Variants in BMPR1B observed in about 807,000 individuals in gnomAD.
The protein encoded by BMPR1B is bone morphogenetic protein receptor type 1B.
A neutral mutation model predicts 59.1 loss-of-function variants in BMPR1B; 12 were observed. That is an observed-to-expected ratio of 0.20 (90% CI 0.13 to 0.33). The LOEUF is 0.33. Ranked by LOEUF, BMPR1B falls within the 10% of genes least tolerant of loss-of-function variation. The pLI is 1.00. For synonymous variants in BMPR1B, 237 were observed against 207.3 expected (o/e 1.14, Z -1.23); for missense variants, 550 against 610.9 (o/e 0.90, Z 1.05).
intron 11 of BMPR1B, among the ~76,000 whole-genome samples, chr4:95,151,725 G>GA: frequency 6.6e-6 from 1 of 152,108 alleles, no homozygotes; most frequent in Admixed American, 6.5e-5. Flanking sequence ...TATATAATCT[G>GA]CCAACTTGAC....
At chr4:94,771,443 CAT>C (rs918440294) in intron 1 of BMPR1B, among the ~76,000 whole-genome samples, 19 of 152,064 alleles carry the variant, frequency 1.2e-4, no homozygotes, top group Non-Finnish European at 1.9e-4. Context: ...GGCAAGGAGA[CAT>C]GTGTGACAAC....
At chr4:95,012,038 A>ACAC (rs1723261694) in intron 3 of BMPR1B, among the ~76,000 whole-genome samples, 2 of 151,124 alleles carry the variant, frequency 1.3e-5, no homozygotes, top group African/African-American at 2.4e-5. Context: ...AACAACAACA[A>ACAC]CAAAAAAAAA....
At chr4:95,048,760 A>G (rs906028319) in intron 3 of BMPR1B, among the ~76,000 whole-genome samples, 3 of 152,162 alleles carry the variant, frequency 2.0e-5, no homozygotes, top group African/African-American at 7.2e-5. Context: ...AAATATGTAC[A>G]TTAGGGTGAG....
intron 3 of BMPR1B, among the ~76,000 whole-genome samples, chr4:95,074,732 A>G (rs1728575050): frequency 6.6e-6 from 1 of 152,124 alleles, no homozygotes; most frequent in Non-Finnish European, 1.5e-5. Context: ...AAGCTAGAGT[A>G]GTTATGCTGT....
chr4:95,081,062 T>C (rs1729100429), intron 3 of BMPR1B, among the ~76,000 whole-genome samples: 1 of 152,110 alleles, frequency 6.6e-6, no homozygotes, highest in Admixed American at 6.5e-5. Context: ...TTCATGCTGT[T>C]CTTGTGATAG....
intron 3 of BMPR1B, among the ~76,000 whole-genome samples, chr4:95,088,032 T>C (rs542749143): frequency 6.6e-6 from 1 of 152,290 alleles, no homozygotes; most frequent in African/African-American, 2.4e-5. Context: ...TAAAATAAAA[T>C]GTTGAATTTT....
intron 3 of BMPR1B, among the ~76,000 whole-genome samples, chr4:95,094,493 A>G (rs1730222858): frequency 6.6e-6 from 1 of 152,024 alleles, no homozygotes; most frequent in Admixed American, 6.6e-5. Flanking sequence ...AGGAAGAGAA[A>G]ACTGAATAAT....
chr4:94,887,403 C>CAAAAAAAAAAAAAAAAAAAAA (rs57818132), intron 2 of BMPR1B, among the ~76,000 whole-genome samples: 8 of 54,810 alleles, frequency 1.5e-4, no homozygotes, highest in Non-Finnish European at 2.8e-4. Context: ...CACCCCCCAC[C>CAAAAAAAAAAAAAAAAAAAAA]AAAAAAAAAA....
chr4:94,852,218 C>G (rs1560515851), intron 1 of BMPR1B, among the ~76,000 whole-genome samples: 1 of 152,052 alleles, frequency 6.6e-6, no homozygotes, highest in Non-Finnish European at 1.5e-5. Flanking sequence ...TTCTTTATGG[C>G]CAGCCTCCAT....
intron 1 of BMPR1B, among the ~76,000 whole-genome samples, chr4:94,812,577 CATTA>C (rs914323062): frequency 6.6e-6 from 1 of 152,142 alleles, no homozygotes; most frequent in African/African-American, 2.4e-5. Flanking sequence ...TTTTATATCT[CATTA>C]TATCAATGAG....
intron 1 of BMPR1B, among the ~76,000 whole-genome samples, chr4:94,773,502 G>A (rs1180967199): frequency 6.6e-6 from 1 of 151,940 alleles, no homozygotes; most frequent in African/African-American, 2.4e-5. Flanking sequence ...CTCATTACTT[G>A]GGAGTTGCAA....
chr4:95,037,908 C>G (rs1560610247), intron 3 of BMPR1B, among the ~76,000 whole-genome samples: 1 of 152,070 alleles, frequency 6.6e-6, no homozygotes, highest in Non-Finnish European at 1.5e-5. Flanking sequence ...GAGCTATGCC[C>G]TGAGGGTTTT....
intron 1 of BMPR1B, among the ~76,000 whole-genome samples, chr4:94,839,707 T>C (rs1029864001): frequency 7.2e-5 from 10 of 139,504 alleles, no homozygotes; most frequent in Non-Finnish European, 1.3e-4. Context: ...GTCTTGACTC[T>C]TTATCCAATT....
At chr4:95,090,822 T>C (rs1285079273) in intron 3 of BMPR1B, among the ~76,000 whole-genome samples, 1 of 152,116 alleles carries the variant, frequency 6.6e-6, no homozygotes, top group Non-Finnish European at 1.5e-5. Flanking sequence ...TAGCTGTGTC[T>C]CAAATATAAA....
intron 2 of BMPR1B, among the ~76,000 whole-genome samples, chr4:94,946,008 T>G (rs1729697023): frequency 1.3e-5 from 2 of 152,204 alleles, no homozygotes. Flanking sequence ...CAGAGTATTC[T>G]AAACAGATCA....
rs76711471 is a variant in BMPR1B at position 95,087,981 on chromosome 4, C to T, written c.-17-16427C>T. Among the ~76,000 whole-genome samples the T allele has an allele frequency of 3.1e-3, 465 of 151,822 alleles. 1 individual carries two copies. Among genetic ancestry groups the T allele is most frequent in the African/African-American group, 0.011 (445 of 41,402 alleles). The stretch of plus-strand genomic sequence containing the variant: ...TGTGCAATAACTTTGATAAATAAGC[C>T]GATCTTATGAAATTTGAAAGTTACG... On this transcript the variant is annotated intron_variant, in intron 3 of 12. Transcript: ENST00000515059.
intron 4 of BMPR1B, among the ~76,000 whole-genome samples, chr4:95,110,448 G>A (rs777697251): frequency 2.0e-5 from 3 of 152,062 alleles, no homozygotes; most frequent in African/African-American, 2.4e-5. Flanking sequence ...TTGGTACTTC[G>A]TCGTTAATGT....
chr4:95,058,887 T>G (rs1727129919), intron 3 of BMPR1B, among the ~76,000 whole-genome samples: 1 of 152,224 alleles, frequency 6.6e-6, no homozygotes, highest in Admixed American at 6.5e-5. Context: ...TTAATGATTA[T>G]GCACTTTTTT....
chr4:94,772,060 C>T (rs1185846988), intron 1 of BMPR1B, among the ~76,000 whole-genome samples: 2 of 152,156 alleles, frequency 1.3e-5, no homozygotes, highest in Admixed American at 6.5e-5. Context: ...TTTTCTCTAA[C>T]ATTTTAGTGA....
Sources: gnomAD v4.1 joint callset for allele counts (sites outside exome capture counted in the v4.1 genomes callset) on GRCh38, gnomAD v4.1.1 for gene constraint, MANE v1.5 for transcripts, NCBI Gene and HGNC (gene_info 2026-07-23, HGNC 2026-07-21) for gene names.